KCNIP1: variants seen among roughly 807,000 people sequenced by gnomAD.
KCNIP1 encodes potassium voltage-gated channel interacting protein 1.
KCNIP1 carries 18 observed loss-of-function variants against 33.0 expected under a neutral mutation model. The ratio of observed to expected loss-of-function variants is 0.55; its 90% CI spans 0.38 to 0.81. The LOEUF is 0.81. KCNIP1 is among the 30% of genes least tolerant of loss of function. The probability of loss-of-function intolerance (pLI) is 0.00; values close to 1 mark genes in which losing one functional copy is unlikely to be tolerated. For synonymous variants in KCNIP1, 93 were observed against 98.3 expected (o/e 0.95, Z 0.32); for missense variants, 238 against 271.6 (o/e 0.88, Z 0.87).
intron 1 of KCNIP1, among the ~76,000 whole-genome samples, chr5:170,707,486 T>A (rs1194472150): frequency 6.6e-6 from 1 of 152,240 alleles, no homozygotes. Flanking sequence ...TGTAACACTG[T>A]CACACACAAA....
chr5:170,624,609 A>G (rs1330167894), intron 1 of KCNIP1, among the ~76,000 whole-genome samples: 2 of 151,640 alleles, frequency 1.3e-5, no homozygotes, highest in African/African-American at 2.4e-5. Context: ...TAAAATGTCA[A>G]TCTCACACGC....
intron 1 of KCNIP1, among the ~76,000 whole-genome samples, chr5:170,355,498 T>C (rs1261332625): frequency 6.6e-6 from 1 of 152,120 alleles, no homozygotes; most frequent in East Asian, 1.9e-4. Flanking sequence ...ACCTGCAGTC[T>C]AGTGGCGACC....
chr5:170,372,062 C>T (rs921672625), intron 1 of KCNIP1, among the ~76,000 whole-genome samples: 4 of 152,180 alleles, frequency 2.6e-5, no homozygotes, highest in Non-Finnish European at 4.4e-5. Flanking sequence ...CAAATGCCAG[C>T]CACCAATAGG....
intron 1 of KCNIP1, among the ~76,000 whole-genome samples, chr5:170,565,876 A>G (rs1474840476): frequency 6.6e-6 from 1 of 152,230 alleles, no homozygotes; most frequent in African/African-American, 2.4e-5. Context: ...ATGACACAGC[A>G]TAGTGTTAAG....
At chr5:170,443,596 C>T (rs1329984892) in intron 1 of KCNIP1, among the ~76,000 whole-genome samples, 1 of 152,220 alleles carries the variant, frequency 6.6e-6, no homozygotes, top group Non-Finnish European at 1.5e-5. Flanking sequence ...AGCATAACTA[C>T]ATCAGAAAAC....
intron 1 of KCNIP1, among the ~76,000 whole-genome samples, chr5:170,704,678 C>T (rs1763199010): frequency 6.6e-6 from 1 of 152,182 alleles, no homozygotes; most frequent in Admixed American, 6.5e-5. Context: ...CTCCTGCTTT[C>T]TCCAGGGTGA....
chr5:170,398,183 C>T (rs769649368), intron 1 of KCNIP1, among the ~76,000 whole-genome samples: 3 of 152,150 alleles, frequency 2.0e-5, no homozygotes, highest in Non-Finnish European at 2.9e-5. Flanking sequence ...ATGACCTGAA[C>T]CAGTTTTTCA....
Position 170,657,472 on chromosome 5 carries a change from G to A in KCNIP1, c.62-61286G>A, listed in dbSNP as rs559007149. Among the ~76,000 whole-genome samples, 6 of 152,194 alleles carry A rather than the reference G, an allele frequency of 3.9e-5. No homozygotes were observed. The South Asian group carries it at 1.2e-3, about 32-fold the overall frequency. ...TCAGGCCTCAGTTTCCATCTGGAAG[G>A]TGCTGGCTGCCTTGATGGGCCTCTA... On this transcript the variant is annotated intron_variant, in intron 1 of 7. Transcript: ENST00000328939.
intron 1 of KCNIP1, among the ~76,000 whole-genome samples, chr5:170,361,994 G>A (rs1221572264): frequency 6.6e-6 from 1 of 152,174 alleles, no homozygotes; most frequent in Non-Finnish European, 1.5e-5. Context: ...TCTCTAAAAT[G>A]AAGGAGCTGC....
At chr5:170,721,083 G>C (rs1307128096) in intron 3 of KCNIP1, among the ~76,000 whole-genome samples, 1 of 152,190 alleles carries the variant, frequency 6.6e-6, no homozygotes, top group East Asian at 1.9e-4. Flanking sequence ...CTGTCACCAA[G>C]AGCTGTCTCC....
chr5:170,538,307 G>T (rs560965764), intron 1 of KCNIP1, among the ~76,000 whole-genome samples: 1 of 152,312 alleles, frequency 6.6e-6, no homozygotes, highest in East Asian at 1.9e-4. Flanking sequence ...TTAAACAGGG[G>T]TGATTTTGTC....
intron 1 of KCNIP1, among the ~76,000 whole-genome samples, chr5:170,671,564 T>G (rs1490990912): frequency 1.3e-5 from 2 of 152,218 alleles, no homozygotes; most frequent in Non-Finnish European, 2.9e-5. Flanking sequence ...ATTCTTCCTT[T>G]ATGGCACCAA....
At chr5:170,440,306 T>C (rs1755960174) in intron 1 of KCNIP1, among the ~76,000 whole-genome samples, 1 of 152,070 alleles carries the variant, frequency 6.6e-6, no homozygotes, top group African/African-American at 2.4e-5. Flanking sequence ...AGCAAACCAA[T>C]ACACAAGGGC....
At chr5:170,556,438 G>T (rs1756849569) in intron 1 of KCNIP1, among the ~76,000 whole-genome samples, 1 of 152,218 alleles carries the variant, frequency 6.6e-6, no homozygotes, top group Non-Finnish European at 1.5e-5. Flanking sequence ...GGCCCAGAAG[G>T]CCCTTGTAAG....
intron 1 of KCNIP1, among the ~76,000 whole-genome samples, chr5:170,513,378 CA>C (rs1197573719): frequency 1.3e-5 from 2 of 152,202 alleles, no homozygotes; most frequent in African/African-American, 4.8e-5. Flanking sequence ...GTTAAGAAGT[CA>C]GATTTCCAGA....
rs114826063 is a variant in KCNIP1 at position 170,464,485 on chromosome 5, C to T, written c.88+110521C>T. On this transcript the variant is annotated intron_variant, in intron 1 of 7. Coordinates refer to the KCNIP1 transcript ENST00000377360. Reference sequence around the variant, plus strand: ...AAGTCCATCTTGCACTTCCTGATTTCGAATCTTACTTCAAAGCTATGGCAG... The same window carrying T: ...AAGTCCATCTTGCACTTCCTGATTTTGAATCTTACTTCAAAGCTATGGCAG... Among the ~76,000 whole-genome samples, 829 of 152,278 alleles carry T rather than the reference C, an allele frequency of 5.4e-3. 10 individuals are homozygous for T. The highest frequency in any genetic ancestry group is 0.018 in the African/African-American group (760 of 41,550).
intron 1 of KCNIP1, among the ~76,000 whole-genome samples, chr5:170,590,102 G>A (rs992973083): frequency 6.6e-5 from 10 of 152,182 alleles, no homozygotes; most frequent in African/African-American, 2.4e-4. Context: ...CCGATCATAG[G>A]TAAGTGCTGG....
intron 1 of KCNIP1, among the ~76,000 whole-genome samples, chr5:170,673,794 T>TA (rs1421613226): frequency 6.6e-6 from 1 of 152,154 alleles, no homozygotes; most frequent in Non-Finnish European, 1.5e-5. Flanking sequence ...CTCTATACCC[T>TA]TGTCCAAGTT....
intron 1 of KCNIP1, among the ~76,000 whole-genome samples, chr5:170,551,246 T>G (rs1756621730): frequency 6.6e-6 from 1 of 152,236 alleles, no homozygotes; most frequent in East Asian, 1.9e-4. Flanking sequence ...ACTGCAATGT[T>G]CCTTTGCCTA....
Sources: allele counts gnomAD v4.1 joint callset (sites outside exome capture counted in the v4.1 genomes callset), GRCh38; gene constraint gnomAD v4.1.1; transcripts MANE v1.5; gene names NCBI Gene and HGNC (gene_info 2026-07-23, HGNC 2026-07-21).